Variants in SMCO2 observed in about 807,000 individuals in gnomAD.
The protein encoded by SMCO2 is single-pass membrane protein with coiled-coil domains 2, also known as single-pass membrane and coiled-coil domain-containing protein 2.
In SMCO2, 25 loss-of-function variants were observed where a neutral mutation model predicts 29.5. The observed-to-expected ratio is 0.85, with a 90% CI of 0.62 to 1.18. SMCO2 has a LOEUF of 1.18. Among genes scored for constraint, SMCO2 ranks in the 50% most tolerant of loss-of-function variants. SMCO2 has a pLI of 0.00. For missense variants in SMCO2, 348 were observed against 344.5 expected, an observed-to-expected ratio of 1.01 and a Z score of -0.08; for synonymous variants, 117 against 123.3, an observed-to-expected ratio of 0.95 and a Z score of 0.34.
intron 3 of SMCO2, among the ~76,000 whole-genome samples, chr12:27,473,863 A>G (rs1949561787): frequency 6.6e-6 from 1 of 152,242 alleles, no homozygotes; most frequent in South Asian, 2.1e-4. Flanking sequence ...GAGTTACTAA[A>G]GAAGTGTTCA....
chr12:27,488,573 G>A, intron 5 of SMCO2, 26 bp downstream of exon 6: 1 of 1,495,312 alleles, frequency 6.7e-7, no homozygotes, highest in African/African-American at 1.4e-5. Flanking sequence ...GGGAAAGACT[G>A]AGAGGTTGGG....
chr12:27,442,397 G>A, the SMCO2 span, among the ~76,000 whole-genome samples: 3 of 152,070 alleles, frequency 2.0e-5, no homozygotes, highest in African/African-American at 7.2e-5. Context: ...GAAATACAAA[G>A]AATCATTAGA....
At chr12:27,447,537 C>T in the SMCO2 span, among the ~76,000 whole-genome samples, 1 of 151,948 alleles carries the variant, frequency 6.6e-6, no homozygotes, top group Non-Finnish European at 1.5e-5. Context: ...GTGGGAGGAT[C>T]GCTTCAGCCC....
intron 4 of SMCO2, among the ~76,000 whole-genome samples, chr12:27,486,472 C>T (rs749623064): frequency 1.3e-5 from 2 of 152,318 alleles, no homozygotes; most frequent in Admixed American, 6.5e-5. Flanking sequence ...TGTTGTTCAA[C>T]GTCTGAAAAC....
chr12:27,482,530 A>T (rs1949653826), intron 4 of SMCO2, among the ~76,000 whole-genome samples: 1 of 152,092 alleles, frequency 6.6e-6, no homozygotes, highest in African/African-American at 2.4e-5. Flanking sequence ...TGAACTCCTG[A>T]CCTCAGGTGA....
rs747439522 is a variant in SMCO2 at position 27,495,242 on chromosome 12, A to G, written c.508-438A>G. Among the ~76,000 whole-genome samples the G allele has an allele frequency of 1.1e-3, 156 of 138,788 alleles. 9 individuals carry two copies. The highest frequency in any genetic ancestry group is 4.6e-4 in the Non-Finnish European group (30 of 64,778). 91.1% of individuals were successfully genotyped at this position (138,788 alleles called of 152,430 possible). A position where few individuals can be genotyped will look rare whatever the true frequency, so the allele number is the denominator to read the frequency against. ...TTTAGTGTGTATCTTAACATGTAATATAGAATGTATGTATGTGTTTAGCTG... is the reference window on the plus strand; with the variant it reads ...TTTAGTGTGTATCTTAACATGTAATGTAGAATGTATGTATGTGTTTAGCTG... On this transcript the variant is annotated intron_variant, in intron 6 of 7. Transcript: ENST00000298876.
Position 27,475,739 on chromosome 12 carries a change from T to C in SMCO2, c.362+826T>C. On this transcript the variant is annotated intron_variant, in intron 4 of 7. Coordinates refer to ENST00000298876, the Ensembl canonical transcript of SMCO2. ...AGAAAACACAGTGAAGAGGTAATTG[T>C]AGGGTGTTGGGGTTGGTCATAAAAT... 6.5e-7 allele frequency: 1 copy of C among 1,540,736 alleles called. No individual in the cohort carries two copies. Among genetic ancestry groups the C allele is most frequent in the Non-Finnish European group, 8.7e-7 (1 of 1,142,922 alleles).
chr12:27,460,367 A>G, the SMCO2 span, among the ~76,000 whole-genome samples: 1 of 152,242 alleles, frequency 6.6e-6, no homozygotes, highest in Non-Finnish European at 1.5e-5. Flanking sequence ...TGTAGACCAG[A>G]AGCCTTATCA....
chr12:27,495,925 AT>A lies in SMCO2; in HGVS notation c.683+77del, dbSNP rs1431371085. ...AAATGTATGGATTATGCTGGGATTGATTTTTTTCAAGTGTTGACTAAAATGT... is the reference window on the plus strand; with the variant it reads ...AAATGTATGGATTATGCTGGGATTGATTTTTTCAAGTGTTGACTAAAATGT... On this transcript the variant is annotated intron_variant, in intron 7 of 7. Coordinates refer to ENST00000298876, the Ensembl canonical transcript of SMCO2. The A allele has an allele frequency of 7.0e-6, 9 of 1,285,850 alleles. 1 individual carries two copies. In the East Asian group the frequency reaches 1.1e-4, roughly 15 times the overall value. 79.7% of individuals were successfully genotyped at this position (1,285,850 alleles called of 1,614,324 possible).
chr12:27,493,600 C>T (rs991383607), intron 5 of SMCO2, among the ~76,000 whole-genome samples: 1 of 152,134 alleles, frequency 6.6e-6, no homozygotes, highest in Non-Finnish European at 1.5e-5. Flanking sequence ...CTAGTATACT[C>T]TTTTTCCTGC....
the SMCO2 span, among the ~76,000 whole-genome samples, chr12:27,459,434 G>A: frequency 6.6e-6 from 1 of 152,014 alleles, no homozygotes; most frequent in Non-Finnish European, 1.5e-5. Context: ...GTACATATGG[G>A]TACAAACAGG....
chr12:27,443,056 C>A, the SMCO2 span, among the ~76,000 whole-genome samples: 1 of 152,100 alleles, frequency 6.6e-6, no homozygotes, highest in Non-Finnish European at 1.5e-5. Context: ...GAAGAAAATA[C>A]CACAAAAGAA....
the SMCO2 span, chr12:27,424,014 A>G: frequency 1.3e-5 from 2 of 152,238 alleles, no homozygotes; most frequent in African/African-American, 4.8e-5. Flanking sequence ...GTAAAATATC[A>G]CATTAATAAT....
chr12:27,454,810 G>A, the SMCO2 span, among the ~76,000 whole-genome samples: 1 of 152,172 alleles, frequency 6.6e-6, no homozygotes, highest in African/African-American at 2.4e-5. Flanking sequence ...CCACTTATGA[G>A]TGAGAACATG....
At chr12:27,485,666 C>T (rs1171698736) in intron 4 of SMCO2, among the ~76,000 whole-genome samples, 1 of 152,012 alleles carries the variant, frequency 6.6e-6, no homozygotes, top group Non-Finnish European at 1.5e-5. Context: ...GGGCTGGTCT[C>T]GAACTCCTGA....
the SMCO2 span, among the ~76,000 whole-genome samples, chr12:27,426,633 T>G: frequency 1.3e-5 from 2 of 152,216 alleles, no homozygotes; most frequent in Non-Finnish European, 2.9e-5. Flanking sequence ...TGATAATAAA[T>G]GTTGGAAATT....
the SMCO2 span, among the ~76,000 whole-genome samples, chr12:27,428,420 TG>T: frequency 6.6e-6 from 1 of 152,202 alleles, no homozygotes; most frequent in Non-Finnish European, 1.5e-5. Flanking sequence ...TTTTTCTCAC[TG>T]TCATAATTTT....
intron 4 of SMCO2, among the ~76,000 whole-genome samples, chr12:27,479,937 G>A (rs1053258719): frequency 4.6e-5 from 7 of 152,236 alleles, no homozygotes; most frequent in East Asian, 1.9e-4. Flanking sequence ...GAAGTCCCAC[G>A]ATACGCTGTC....
At chr12:27,448,235 A>G in the SMCO2 span, among the ~76,000 whole-genome samples, 1 of 152,194 alleles carries the variant, frequency 6.6e-6, no homozygotes, top group African/African-American at 2.4e-5. Flanking sequence ...TGTTAAATTG[A>G]GAATATTATC....
Sources: gnomAD v4.1 joint callset for allele counts (sites outside exome capture counted in the v4.1 genomes callset) on GRCh38, gnomAD v4.1.1 for gene constraint, MANE v1.5 for transcripts, NCBI Gene and HGNC (gene_info 2026-07-23, HGNC 2026-07-21) for gene names.